Variants in UBASH3A observed in about 807,000 individuals in gnomAD.
UBASH3A encodes the protein ubiquitin associated and SH3 domain containing A.
UBASH3A carries 63 observed loss-of-function variants against 73.5 expected under a neutral mutation model. That is an observed-to-expected ratio of 0.86 (90% CI 0.70 to 1.06). The LOEUF (loss-of-function observed/expected upper bound fraction) is 1.06. Ranked by LOEUF, UBASH3A falls within the 50% of genes least tolerant of loss-of-function variation. UBASH3A has a pLI of 0.00. For synonymous variants in UBASH3A, 363 were observed against 351.1 expected (o/e 1.03, Z -0.38); for missense variants, 860 against 859.0 (o/e 1.00, Z -0.02).
intron 3 of UBASH3A, among the ~76,000 whole-genome samples, chr21:42,412,718 T>C (rs2053125248): frequency 6.6e-6 from 1 of 152,144 alleles, no homozygotes; most frequent in Non-Finnish European, 1.5e-5. Context: ...GGAAAGGGCC[T>C]GGCAGGTGAT....
At chr21:42,411,774 G>A (rs2053103095) in intron 3 of UBASH3A, among the ~76,000 whole-genome samples, 1 of 152,218 alleles carries the variant, frequency 6.6e-6, no homozygotes, top group African/African-American at 2.4e-5. Flanking sequence ...GTGTGATATT[G>A]ATCACAGCTA....
chr21:42,443,171 G>A, intron 12 of UBASH3A, 141 bp from the exon 13 acceptor site: 1 of 1,403,568 alleles, frequency 7.1e-7, no homozygotes, highest in Non-Finnish European at 9.3e-7. Flanking sequence ...CACAAAACTG[G>A]AGCCTGCCTG....
In UBASH3A at chr21:42,409,604, T is replaced by C; in HGVS notation, c.350T>C (p.Phe117Ser). Residue 117 changes from phenylalanine to serine, a missense_variant, in exon 3 of 15, where the codon TTC becomes TCC. By Grantham distance (155) the Phe-to-Ser change is radical. Coordinates refer to ENST00000319294, the MANE Select transcript of UBASH3A (RefSeq NM_018961.4). ...CCACACGTGACACTCTGTGACTTCT[T>C]CACGGTGAGTCAACCCAGTGTGCCT... ...VFPHVTLCDF[F>S]TCEDQKVECL... is the part of the protein sequence containing the mutation. The C allele has an allele frequency of 6.2e-7, 1 of 1,609,924 alleles. No individual in the cohort carries two copies. The highest frequency in any genetic ancestry group is 8.5e-7 in the Non-Finnish European group (1 of 1,178,042).
intron 14 of UBASH3A, 52 bp downstream of exon 14, chr21:42,444,695 C>T: frequency 2.9e-6 from 4 of 1,394,802 alleles, no homozygotes; most frequent in East Asian, 2.3e-5. Context: ...ATCCCGAAGA[C>T]ACAGGTTTAT....
intron 8 of UBASH3A, among the ~76,000 whole-genome samples, chr21:42,430,532 G>A (rs749918924): frequency 1.8e-4 from 28 of 152,236 alleles, no homozygotes; most frequent in Middle Eastern, 3.4e-3. Flanking sequence ...AGCAGGGCAG[G>A]GATAGTGCCT....
intron 11 of UBASH3A, among the ~76,000 whole-genome samples, chr21:42,440,296 T>C (rs2053717894): frequency 6.6e-6 from 1 of 152,126 alleles, no homozygotes; most frequent in South Asian, 2.1e-4. Context: ...AGGGGCAGGG[T>C]CTCCGAGTAT....
rs150022864 is a variant in UBASH3A, at chr21:42,447,578, C to T, written c.*384C>T. On this transcript the variant is annotated 3_prime_UTR_variant, in exon 15 of 15. Coordinates refer to ENST00000319294, the MANE Select transcript of UBASH3A (RefSeq NM_018961.4). ...ATGGTCTAATCATTAAATTCCCAAT[C>T]GTTTTTTCTTTTTCTGGGTCCATCA... The T allele has an allele frequency of 3.4e-4, 56 of 163,828 alleles. No homozygotes were observed. Among genetic ancestry groups the T allele is most frequent in the African/African-American group, 1.2e-3 (51 of 41,862 alleles). The allele number at this position is 163,828 out of a possible 1,614,324, so 10.1% of individuals were successfully genotyped here. A position where few individuals can be genotyped will look rare whatever the true frequency, so the allele number is the denominator to read the frequency against.
chr21:42,431,938 G>A (rs1205157452), intron 8 of UBASH3A, among the ~76,000 whole-genome samples, 165 bp from the exon 9 acceptor site: 1 of 152,200 alleles, frequency 6.6e-6, no homozygotes, highest in East Asian at 1.9e-4. Context: ...TCAATTTCAT[G>A]TCCTCTTTCA....
chr21:42,412,508 C>G lies in UBASH3A; in HGVS notation c.355-516C>G, dbSNP rs1353491385. 3.9e-5 allele frequency among the ~76,000 whole-genome samples: 6 copies of G among 152,138 alleles called. 1 individual carries two copies. The highest frequency in any genetic ancestry group is 2.0e-4 in the Admixed American group (3 of 15,284). Reference sequence around the variant, plus strand: ...AGGAGAGGGTTGGAGGCAGGCAGAGCCTCAGTGCCTTAGAGGAGTCCCTGT... The same window carrying G: ...AGGAGAGGGTTGGAGGCAGGCAGAGGCTCAGTGCCTTAGAGGAGTCCCTGT... On this transcript the variant is annotated intron_variant, in intron 3 of 14. Coordinates refer to ENST00000319294, the MANE Select transcript of UBASH3A (RefSeq NM_018961.4).
chr21:42,430,559 G>T (rs148459570), intron 8 of UBASH3A, among the ~76,000 whole-genome samples: 1 of 152,296 alleles, frequency 6.6e-6, no homozygotes, highest in East Asian at 1.9e-4. Flanking sequence ...GCTGCCTCCT[G>T]CCCAGGGGTC....
intron 7 of UBASH3A, among the ~76,000 whole-genome samples, chr21:42,424,175 C>T (rs1458607300): frequency 1.3e-5 from 2 of 151,948 alleles, no homozygotes; most frequent in Admixed American, 6.6e-5. Flanking sequence ...GGTCAGGACT[C>T]ACACTTGCAC....
intron 8 of UBASH3A, among the ~76,000 whole-genome samples, chr21:42,428,744 C>T (rs1056051304): frequency 2.0e-5 from 3 of 152,006 alleles, no homozygotes; most frequent in Non-Finnish European, 4.4e-5. Flanking sequence ...AGTCTCTGCT[C>T]GTAGCTCAGC....
At chr21:42,436,821 T>C (rs2053634445) in intron 10 of UBASH3A, among the ~76,000 whole-genome samples, 1 of 152,162 alleles carries the variant, frequency 6.6e-6, no homozygotes, top group South Asian at 2.1e-4. Context: ...CGAGCTTCAG[T>C]GGGTCTTGAG....
At chr21:42,412,936 T>G in intron 3 of UBASH3A, 88 bp from the exon 4 acceptor site, 1 of 1,123,728 alleles carries the variant, frequency 8.9e-7, no homozygotes. Flanking sequence ...AATCTCACTT[T>G]AATTGCTGCC....
At chr21:42,439,780 CCACACACCACA>C (rs1470177375) in intron 11 of UBASH3A, among the ~76,000 whole-genome samples, 6 of 136,920 alleles carry the variant, frequency 4.4e-5, no homozygotes, top group African/African-American at 1.4e-4. Flanking sequence ...CACATACACA[CCACACACCACA>C]CACACACCAC....
rs375982291 is a variant in UBASH3A at position 42,444,650 on chromosome 21, G to T, written c.1848+7G>T. On this transcript the variant is annotated splice_region_variant and intron_variant, in intron 14 of 14. Transcript: ENST00000319294. ...TGCCCAACTCGTGAGAAAGGTACGCGCCCACTCTTGGCTCTTTGGGCCACA... is the reference window on the plus strand; with the variant it reads ...TGCCCAACTCGTGAGAAAGGTACGCTCCCACTCTTGGCTCTTTGGGCCACA... The T allele has an allele frequency of 1.9e-6, 3 of 1,601,816 alleles. No individual in the cohort carries two copies. The highest frequency in any genetic ancestry group is 2.6e-6 in the Non-Finnish European group (3 of 1,168,914).
At position 42,413,295 on chromosome 21, in the gene UBASH3A, C is replaced by G. The variant is rs1474733397; in HGVS notation, c.553+73C>G. The G allele has an allele frequency of 2.5e-5, 40 of 1,572,706 alleles. No homozygotes were observed. The highest frequency in any genetic ancestry group is 3.3e-5 in the Non-Finnish European group (38 of 1,145,880). ...GTGAGCCCTCTGTGGCAGGGACTAG[C>G]CCCCGGCACATGGATGCAGTGGGTG... On this transcript the variant is annotated intron_variant, in intron 4 of 14. Coordinates refer to ENST00000319294, the MANE Select transcript of UBASH3A (RefSeq NM_018961.4). The surrounding 1 kb of genome is among the most constrained non-coding windows in gnomAD (Gnocchi z 4.5).
At chr21:42,427,196 G>T (rs2053452040) in intron 8 of UBASH3A, among the ~76,000 whole-genome samples, 1 of 152,206 alleles carries the variant, frequency 6.6e-6, no homozygotes, top group Non-Finnish European at 1.5e-5. Flanking sequence ...CTGGGGGTCA[G>T]CAGACTCAGG....
chr21:42,438,310 C>G (rs1238064135), intron 11 of UBASH3A, among the ~76,000 whole-genome samples: 2 of 152,164 alleles, frequency 1.3e-5, no homozygotes, highest in Non-Finnish European at 2.9e-5. Flanking sequence ...CTTGCCTCGA[C>G]TTTCTCAGAG....
Sources: allele counts gnomAD v4.1 joint callset (sites outside exome capture counted in the v4.1 genomes callset), GRCh38; gene constraint gnomAD v4.1.1; non-coding constraint Gnocchi (gnomAD v3.1); transcripts MANE v1.5; gene names NCBI Gene and HGNC (gene_info 2026-07-23, HGNC 2026-07-21).